TTF1: variants seen among roughly 807,000 people sequenced by gnomAD.
TTF1 encodes the protein transcription termination factor 1, also known as transcription termination factor, RNA polymerase I.
In TTF1, 64 loss-of-function variants were observed where a neutral mutation model predicts 80.2. The observed-to-expected ratio is 0.80, with a 90% CI of 0.65 to 0.98. The LOEUF (loss-of-function observed/expected upper bound fraction) is 0.98. Ranked by LOEUF, TTF1 falls within the 50% of genes least tolerant of loss-of-function variation. The pLI is 0.00. For missense variants in TTF1, 1,023 were observed against 1,086.2 expected (o/e 0.94, Z 0.82); for synonymous variants, 372 against 382.7 (o/e 0.97, Z 0.33).
In TTF1 at chr9:132,402,827, T is replaced by A. The variant is rs1849793177; in HGVS notation, c.-6A>T. On this transcript the variant is annotated splice_region_variant and 5_prime_UTR_variant, in exon 2 of 11. Coordinates refer to ENST00000334270, the MANE Select transcript of TTF1 (RefSeq NM_007344.4). Reference sequence around the variant, plus strand: ...CTGCTTGATTCTCCTTCCATTTTATTCCTATATGGAAATGTGACAACAATG... The same window carrying A: ...CTGCTTGATTCTCCTTCCATTTTATACCTATATGGAAATGTGACAACAATG... 8 of 1,568,996 alleles carry A rather than the reference T, an allele frequency of 5.1e-6. No homozygotes were observed. The highest frequency in any genetic ancestry group is 6.9e-6 in the Non-Finnish European group (8 of 1,164,998).
chr9:132,381,773 T>C (rs1249713159), intron 9 of TTF1, among the ~76,000 whole-genome samples: 1 of 152,208 alleles, frequency 6.6e-6, no homozygotes, highest in Non-Finnish European at 1.5e-5. Context: ...AGACGGATTG[T>C]CCTTTCTTGT....
At chr9:132,379,212 G>A in intron 9 of TTF1, 68 bp from the exon 10 acceptor site, 1 of 1,151,824 alleles carries the variant, frequency 8.7e-7, no homozygotes, top group African/African-American at 1.6e-5. Context: ...ATACAGTGTA[G>A]TAAGTACATT....
At chr9:132,397,568 G>C (rs1485764606) in intron 4 of TTF1, among the ~76,000 whole-genome samples, 1 of 152,190 alleles carries the variant, frequency 6.6e-6, no homozygotes, top group African/African-American at 2.4e-5. Context: ...TAAGGAACAG[G>C]AGGAGAAACC....
intron 9 of TTF1, 29 bp from the exon 10 acceptor site, chr9:132,379,173 G>A (rs780884275): frequency 4.6e-6 from 7 of 1,532,692 alleles, no homozygotes; most frequent in Non-Finnish European, 6.2e-6. Context: ...AAGATAAAAA[G>A]CAAGTTAGTT....
intron 3 of TTF1, 46 bp from the exon 4 acceptor site, chr9:132,398,372 G>A (rs78597126): frequency 6.4e-7 from 1 of 1,570,302 alleles, no homozygotes; most frequent in South Asian, 1.2e-5. Context: ...TGTTAATAAT[G>A]ACAAAAGCAA....
intron 9 of TTF1, among the ~76,000 whole-genome samples, chr9:132,382,567 C>T (rs1289468580): frequency 1.3e-5 from 2 of 152,162 alleles, no homozygotes; most frequent in African/African-American, 4.8e-5. Flanking sequence ...TTCTACAAAA[C>T]ACCTAGCCTG....
At position 132,391,689 on chromosome 9, in the gene TTF1, A is replaced by G. The variant is rs138258210; in HGVS notation, c.1987+387T>C. ...AGGAGACACAGACAGGAGGTCACCA[A>G]CACTGGTTCTGAGAAAAGTCCCCGC... On this transcript the variant is annotated intron_variant, in intron 6 of 10. Coordinates refer to ENST00000334270, the MANE Select transcript of TTF1 (RefSeq NM_007344.4). 8.2e-3 allele frequency among the ~76,000 whole-genome samples: 1,248 copies of G among 152,300 alleles called. 16 individuals carry two copies. Among genetic ancestry groups the G allele is most frequent in the African/African-American group, 0.028 (1,176 of 41,564 alleles).
At position 132,402,485 on chromosome 9, in the gene TTF1, T is replaced by A; in HGVS notation, c.337A>T (p.Asn113Tyr). Residue 113 changes from asparagine to tyrosine, a missense_variant, in exon 2 of 11, where the codon AAC becomes TAC. Asn to Tyr is a moderately radical substitution (Grantham distance 143). Coordinates refer to ENST00000334270, the MANE Select transcript of TTF1 (RefSeq NM_007344.4). ...TVVLVDKENI[N>Y]NTPKHFRKDV... ...TTTCTAAAATGCTTTGGTGTGTTGT[T>A]AATATTTTCTTTATCCACAAGGACA... The A allele has an allele frequency of 6.2e-7, 1 of 1,614,192 alleles. No homozygotes were observed. Among genetic ancestry groups the A allele is most frequent in the Non-Finnish European group, 8.5e-7 (1 of 1,180,032 alleles).
chr9:132,402,361 T>A lies in TTF1; in HGVS notation c.461A>T (p.His154Leu). Residue 154 changes from histidine to leucine, a missense_variant, in exon 2 of 11, where the codon CAT (histidine) becomes CTT (leucine). Transcript: ENST00000334270. ...TTTACTGTGCAGGGCTTCTGATTTA[T>A]GTGCATGTGACTTAGCAAGTACCTG... ...KFQVLAKSHA[H>L]KSEALHSKVR... 6.2e-7 allele frequency: 1 copy of A among 1,614,226 alleles called. No homozygotes were observed. Among genetic ancestry groups the A allele is most frequent in the Non-Finnish European group, 8.5e-7 (1 of 1,180,038 alleles).
chr9:132,403,311 C>T (rs1849802966), intron 1 of TTF1, among the ~76,000 whole-genome samples: 1 of 152,170 alleles, frequency 6.6e-6, no homozygotes, highest in African/African-American at 2.4e-5. Context: ...GGTCCCACTG[C>T]CTTTATGATA....
intron 6 of TTF1, among the ~76,000 whole-genome samples, chr9:132,391,382 A>G (rs1849555188): frequency 7.5e-6 from 1 of 133,710 alleles, no homozygotes; most frequent in African/African-American, 2.7e-5. Context: ...TCACACTGGC[A>G]GCTGTTTGGC....
intron 9 of TTF1, 180 bp from the exon 10 acceptor site, chr9:132,379,324 G>A (rs1849325431): frequency 6.7e-6 from 3 of 448,840 alleles, no homozygotes; most frequent in Admixed American, 4.3e-5. Flanking sequence ...GAAAGCTATT[G>A]TTTATTTGGT....
rs767904122 is a variant in TTF1 at position 132,398,358 on chromosome 9, G to GT, written c.1592-33dup. 6.0e-6 allele frequency: 9 copies of GT among 1,504,182 alleles called. No homozygotes were observed. In the African/African-American group the frequency reaches 1.7e-4, roughly 29 times the overall value. 93.2% of individuals were successfully genotyped at this position (1,504,182 alleles called of 1,614,324 possible). A position where few individuals can be genotyped will look rare whatever the true frequency, so the allele number is the denominator to read the frequency against. On this transcript the variant is annotated intron_variant, in intron 3 of 10. Coordinates refer to ENST00000334270, the MANE Select transcript of TTF1 (RefSeq NM_007344.4). Reference sequence around the variant, plus strand: ...TTGGGAAGGAACAGGGAGAAAGTGTGTATTGTTAATAATGACAAAAGCAAA... The same window carrying GT: ...TTGGGAAGGAACAGGGAGAAAGTGTGTTATTGTTAATAATGACAAAAGCAAA...
At chr9:132,391,925 A>G in intron 6 of TTF1, 151 bp downstream of exon 6, 2 of 1,336,106 alleles carry the variant, frequency 1.5e-6, no homozygotes, top group Non-Finnish European at 2.0e-6. Context: ...CGAGGAAACC[A>G]AACAAATTAG....
intron 8 of TTF1, among the ~76,000 whole-genome samples, chr9:132,387,709 C>A (rs1849494749): frequency 6.6e-6 from 1 of 152,144 alleles, no homozygotes; most frequent in Non-Finnish European, 1.5e-5. Context: ...GGGGACCCTG[C>A]ATGGACAAGG....
At chr9:132,406,418 A>G (rs1849868039) in intron 1 of TTF1, among the ~76,000 whole-genome samples, 1 of 152,098 alleles carries the variant, frequency 6.6e-6, no homozygotes, top group Admixed American at 6.5e-5. Flanking sequence ...CCTGGCCAAC[A>G]TGGTGAAACC....
At chr9:132,390,890 T>C (rs1371778476) in intron 6 of TTF1, 59 bp from the exon 7 acceptor site, 3 of 1,478,438 alleles carry the variant, frequency 2.0e-6, no homozygotes, top group African/African-American at 2.8e-5. Flanking sequence ...AAACACAATA[T>C]TAAAAATGAA....
intron 2 of TTF1, 120 bp from the exon 3 acceptor site, chr9:132,400,378 C>T: frequency 1.3e-6 from 1 of 766,592 alleles, no homozygotes; most frequent in Non-Finnish European, 2.1e-6. Context: ...GGCTGGAGTG[C>T]AATGGTGCGA....
intron 5 of TTF1, among the ~76,000 whole-genome samples, chr9:132,396,079 T>C (rs1849642915): frequency 6.6e-6 from 1 of 152,192 alleles, no homozygotes; most frequent in Non-Finnish European, 1.5e-5. Context: ...TGCTAAGTGC[T>C]GAATGGAACA....
Sources: allele counts gnomAD v4.1 joint callset (sites outside exome capture counted in the v4.1 genomes callset), GRCh38; gene constraint gnomAD v4.1.1; transcripts MANE v1.5; gene names NCBI Gene and HGNC (gene_info 2026-07-23, HGNC 2026-07-21).